The following RBFOX1 variants were observed in gnomAD, a reference collection of about 807,000 sequenced individuals.
RBFOX1 encodes the protein RNA binding protein fox-1 homolog 1.
RBFOX1 carries 8 observed loss-of-function variants against 57.7 expected under a neutral mutation model. That is an observed-to-expected ratio of 0.14 (90% CI 0.08 to 0.25). The LOEUF is 0.25. Ranked by LOEUF, RBFOX1 falls within the 10% of genes least tolerant of loss-of-function variation. RBFOX1 has a pLI of 1.00. For missense variants in RBFOX1, 611 were observed against 548.5 expected, an observed-to-expected ratio of 1.11 and a Z score of -1.14; for synonymous variants, 326 against 222.4, an observed-to-expected ratio of 1.47 and a Z score of -4.15.
At chr16:6,061,053 A>G (rs35459620) in intron 1 of RBFOX1, among the ~76,000 whole-genome samples, 82,462 of 151,562 alleles carry the variant, frequency 0.54, 22,919 homozygotes, top group Non-Finnish European at 0.61. Flanking sequence ...ACTGATTACG[A>G]CCCATGCATT....
intron 2 of RBFOX1, among the ~76,000 whole-genome samples, chr16:6,649,839 T>G (rs986081789): frequency 6.6e-6 from 1 of 152,204 alleles, no homozygotes; most frequent in Non-Finnish European, 1.5e-5. Flanking sequence ...TATATATGTA[T>G]AGTATATTAT....
rs151215652 is a variant in RBFOX1, at chr16:5,660,749, G to A, written c.318+61788G>A. On this transcript the variant is annotated intron_variant, in intron 3 of 19. Coordinates refer to the RBFOX1 transcript ENST00000641259. ...ATCCATAAATTGGGCCATGAATGAC[G>A]CTTTAAGATGCCTGCTATGCCGGAG... 9.8e-3 allele frequency among the ~76,000 whole-genome samples: 1,487 copies of A among 152,200 alleles called. 21 individuals are homozygous for A. Among genetic ancestry groups the A allele is most frequent in the African/African-American group, 0.034 (1,411 of 41,528 alleles).
intron 3 of RBFOX1, among the ~76,000 whole-genome samples, chr16:5,691,791 G>C (rs1448100924): frequency 6.6e-6 from 1 of 152,044 alleles, no homozygotes; most frequent in Non-Finnish European, 1.5e-5. Context: ...TTTTACAAAA[G>C]AGGAAACGAG....
intron 3 of RBFOX1, among the ~76,000 whole-genome samples, chr16:6,868,466 T>A (rs143271160): frequency 6.8e-6 from 1 of 147,938 alleles, no homozygotes; most frequent in Non-Finnish European, 1.5e-5. Flanking sequence ...CAGTGTTTCA[T>A]ATTTATTGGT....
At chr16:7,052,919 C>T (rs1293645355) in intron 4 of RBFOX1, among the ~76,000 whole-genome samples, 1 of 152,102 alleles carries the variant, frequency 6.6e-6, no homozygotes, top group African/African-American at 2.4e-5. Context: ...GACAATGTGC[C>T]TTATAGCCAT....
At chr16:6,491,213 A>G (rs1156293646) in intron 2 of RBFOX1, among the ~76,000 whole-genome samples, 2 of 151,574 alleles carry the variant, frequency 1.3e-5, no homozygotes, top group Admixed American at 6.6e-5. Context: ...ATATAGATAT[A>G]TAGTTAAACT....
At chr16:6,912,836 A>T (rs1193959391) in intron 3 of RBFOX1, among the ~76,000 whole-genome samples, 3 of 151,538 alleles carry the variant, frequency 2.0e-5, no homozygotes, top group African/African-American at 7.3e-5. Flanking sequence ...CCCAGGCTAG[A>T]CTCAAACTCC....
intron 4 of RBFOX1, among the ~76,000 whole-genome samples, chr16:7,110,100 AG>A (rs2064395229): frequency 1.3e-5 from 2 of 151,610 alleles, no homozygotes; most frequent in African/African-American, 4.8e-5. Context: ...ATGTATTCCC[AG>A]CACATTGGGA....
At chr16:6,258,868 A>T (rs1243376382) in intron 1 of RBFOX1, among the ~76,000 whole-genome samples, 1 of 152,190 alleles carries the variant, frequency 6.6e-6, no homozygotes, top group African/African-American at 2.4e-5. Flanking sequence ...CATCTCATGT[A>T]CCCCATAAAG....
rs1297863953 is a variant in RBFOX1, at chr16:5,424,871, TTTTTTTTCTTTCTTTCTTTC to T, written c.220-42341_220-42322del. Among the ~76,000 whole-genome samples, 76 of 118,636 alleles carry T rather than the reference TTTTTTTTCTTTCTTTCTTTC, an allele frequency of 6.4e-4. 4 individuals carry two copies. Among genetic ancestry groups the T allele is most frequent in the African/African-American group, 2.2e-3 (63 of 28,520 alleles). The allele number at this position is 118,636 out of a possible 152,430, so 77.8% of individuals were successfully genotyped here. A position where few individuals can be genotyped will look rare whatever the true frequency, so the allele number is the denominator to read the frequency against. Reference sequence around the variant, plus strand: ...TTTCTCTCTCTCTCTTCTTTCTTTCTTTTTTTTCTTTCTTTCTTTCTTTCTTTCTTTCTTTCTTTCTTTCT... The same window carrying T: ...TTTCTCTCTCTCTCTTCTTTCTTTCTTTTCTTTCTTTCTTTCTTTCTTTCT... On this transcript the variant is annotated intron_variant, in intron 1 of 2. Coordinates refer to the RBFOX1 transcript ENST00000585867.
intron 3 of RBFOX1, among the ~76,000 whole-genome samples, chr16:6,919,132 A>G (rs1386467741): frequency 6.6e-6 from 1 of 152,022 alleles, no homozygotes; most frequent in African/African-American, 2.4e-5. Context: ...GGCACCTGCC[A>G]TCGTGCCTGG....
At chr16:7,194,998 A>G (rs2086336682) in intron 4 of RBFOX1, among the ~76,000 whole-genome samples, 1 of 151,894 alleles carries the variant, frequency 6.6e-6, no homozygotes, top group African/African-American at 2.4e-5. Context: ...ATCGAGGTTA[A>G]TAAAATTGAT....
intron 3 of RBFOX1, chr16:5,611,361 G>A (rs2047779142): frequency 6.6e-6 from 1 of 152,006 alleles, no homozygotes; most frequent in South Asian, 2.1e-4. Context: ...GACACATCTA[G>A]TTTGACAGCT....
chr16:7,261,637 G>C (rs377143749), intron 4 of RBFOX1, among the ~76,000 whole-genome samples: 48 of 152,268 alleles, frequency 3.2e-4, no homozygotes, highest in East Asian at 3.1e-3. Context: ...AGGCTCTGTA[G>C]GCTCTCTCCA....
chr16:7,640,351 C>T (rs895444915), intron 11 of RBFOX1, among the ~76,000 whole-genome samples: 3 of 152,310 alleles, frequency 2.0e-5, no homozygotes, highest in South Asian at 2.1e-4. Context: ...TCATTGCTTT[C>T]GTTATTAATC....
chr16:5,833,068 C>A (rs2056334075), intron 3 of RBFOX1, among the ~76,000 whole-genome samples: 1 of 152,136 alleles, frequency 6.6e-6, no homozygotes, highest in African/African-American at 2.4e-5. Context: ...CCACAGATTT[C>A]TATGGTACAG....
At chr16:5,431,206 A>T (rs894810106) in intron 1 of RBFOX1, among the ~76,000 whole-genome samples, 1 of 152,186 alleles carries the variant, frequency 6.6e-6, no homozygotes, top group African/African-American at 2.4e-5. Flanking sequence ...AGATAACTCG[A>T]TTCTCCAAAA....
chr16:7,680,481 G>A (rs1020112314), intron 14 of RBFOX1, among the ~76,000 whole-genome samples: 1 of 152,120 alleles, frequency 6.6e-6, no homozygotes, highest in Non-Finnish European at 1.5e-5. Flanking sequence ...GTAGCTAGAT[G>A]CAGACCGCCT....
chr16:6,487,831 G>T (rs1480356127), intron 2 of RBFOX1, among the ~76,000 whole-genome samples: 1 of 147,784 alleles, frequency 6.8e-6, no homozygotes, highest in African/African-American at 2.5e-5. Context: ...CTAGATTCAT[G>T]TTTATCTAAT....
Sources: gnomAD v4.1 joint callset for allele counts (sites outside exome capture counted in the v4.1 genomes callset) on GRCh38, gnomAD v4.1.1 for gene constraint, MANE v1.5 for transcripts, NCBI Gene and HGNC (gene_info 2026-07-23, HGNC 2026-07-21) for gene names.